The following LACTB variants were observed in gnomAD, a reference collection of about 807,000 sequenced individuals.
LACTB encodes serine beta-lactamase-like protein LACTB, mitochondrial.
Under a neutral mutation model 50.2 loss-of-function variants are expected in LACTB, and 35 were observed. The ratio of observed to expected loss-of-function variants is 0.70; its 90% CI spans 0.53 to 0.92. The LOEUF is 0.92. Among genes scored for constraint, LACTB ranks in the 40% least tolerant of loss-of-function variants. LACTB has a pLI of 0.00. For missense variants in LACTB, 664 were observed against 691.8 expected (o/e 0.96, Z 0.45); for synonymous variants, 252 against 268.2 (o/e 0.94, Z 0.59).
At chr15:63,127,232 C>T (rs1595714736) in intron 3 of LACTB, 121 bp from the exon 4 acceptor site, 3 of 984,248 alleles carry the variant, frequency 3.0e-6, no homozygotes, top group South Asian at 3.5e-5. Flanking sequence ...AGGATTTGTA[C>T]ATGACATTTT....
chr15:63,123,390 G>A (rs1164401113), intron 2 of LACTB, among the ~76,000 whole-genome samples: 1 of 152,126 alleles, frequency 6.6e-6, no homozygotes, highest in Non-Finnish European at 1.5e-5. Flanking sequence ...CCTCTCTTCC[G>A]TAAAAAGCAA....
At position 63,129,414 on chromosome 15, in the gene LACTB, A is replaced by T. The variant is rs1595715499; in HGVS notation, c.953-71A>T. ...TAAAAGTATGCCAATTTTCAGTGGG[A>T]ATATATTTTATATGTTTTTGAATAA... On this transcript the variant is annotated intron_variant, in intron 4 of 5. Transcript: ENST00000261893. 4 of 1,314,246 alleles carry T rather than the reference A, an allele frequency of 3.0e-6. No individual in the cohort carries two copies. The East Asian group carries it at 1.1e-4, about 35-fold the overall frequency. 81.4% of individuals were successfully genotyped at this position (1,314,246 alleles called of 1,614,324 possible).
At chr15:63,125,044 G>C (rs2037031918) in intron 2 of LACTB, among the ~76,000 whole-genome samples, 1 of 152,154 alleles carries the variant, frequency 6.6e-6, no homozygotes, top group Non-Finnish European at 1.5e-5. Context: ...AAATGGGCCA[G>C]TTGAGGTGGC....
In LACTB at chr15:63,141,261, AT is replaced by A; in HGVS notation, c.1119-16del. 1 of 1,566,276 alleles carries A rather than the reference AT, an allele frequency of 6.4e-7. No homozygotes were observed. The highest frequency in any genetic ancestry group is 8.6e-7 in the Non-Finnish European group (1 of 1,157,442). ...AGTGACTATGAAATTTTTCATGATCATTTCTTATTTCCTTTTAGATTTTATG... is the reference window on the plus strand; with the variant it reads ...AGTGACTATGAAATTTTTCATGATCATTCTTATTTCCTTTTAGATTTTATG... On this transcript the variant is annotated intron_variant, in intron 5 of 5. Transcript: ENST00000261893.
intron 5 of LACTB, chr15:63,140,887 G>T (rs1444982952): frequency 2.4e-6 from 1 of 410,734 alleles, no homozygotes; most frequent in Non-Finnish European, 3.3e-6. Context: ...AAATTCATTT[G>T]TGGCACGATG....
chr15:63,139,421 G>A (rs2037207212), intron 5 of LACTB, among the ~76,000 whole-genome samples: 4 of 152,214 alleles, frequency 2.6e-5, no homozygotes, highest in Admixed American at 6.5e-5. Context: ...GAGAGGCCAA[G>A]GTGGGCGGAT....
At chr15:63,136,070 C>A (rs567113900) in intron 5 of LACTB, among the ~76,000 whole-genome samples, 1 of 137,616 alleles carries the variant, frequency 7.3e-6, no homozygotes, top group Non-Finnish European at 1.5e-5. Flanking sequence ...GAGACAAGAT[C>A]TCACTCTGTT....
At position 63,141,498 on chromosome 15, in the gene LACTB, C is replaced by T; in HGVS notation, c.1337C>T (p.Pro446Leu). 1 of 1,614,194 alleles carries T rather than the reference C, an allele frequency of 6.2e-7. No individual in the cohort carries two copies. Among genetic ancestry groups the T allele is most frequent in the Non-Finnish European group, 8.5e-7 (1 of 1,180,008 alleles). The change falls in exon 6 of 6, where the codon CCA becomes CTA. Residue 446 changes from proline to leucine, a missense_variant. Coordinates refer to ENST00000261893, the MANE Select transcript of LACTB (RefSeq NM_032857.5). ...KPETMVMMWT[P>L]VPNTEMSWDK... Reference sequence around the variant, plus strand: ...GAAACAATGGTTATGATGTGGACCCCAGTCCCTAACACAGAGATGTCTTGG... The same window carrying T: ...GAAACAATGGTTATGATGTGGACCCTAGTCCCTAACACAGAGATGTCTTGG...
chr15:63,125,561 A>T (rs987140269), intron 2 of LACTB, among the ~76,000 whole-genome samples: 3 of 152,258 alleles, frequency 2.0e-5, no homozygotes, highest in Non-Finnish European at 4.4e-5. Context: ...GTAATCAAAA[A>T]TTATATAAAT....
intron 5 of LACTB, 116 bp downstream of exon 5, chr15:63,129,766 C>T: frequency 1.1e-5 from 14 of 1,313,042 alleles, no homozygotes; most frequent in Middle Eastern, 2.0e-4. Flanking sequence ...ATTTTGGGAG[C>T]TTTTCTACAT....
intron 3 of LACTB, 143 bp downstream of exon 3, chr15:63,127,192 A>G: frequency 1.1e-6 from 1 of 908,094 alleles, no homozygotes. Context: ...GATGATAATC[A>G]GGTAGGTATT....
chr15:63,134,806 T>TGTGTG (rs1595717370), intron 5 of LACTB, among the ~76,000 whole-genome samples: 1 of 121,068 alleles, frequency 8.3e-6, no homozygotes, highest in East Asian at 2.8e-4. Context: ...GTGTGATGTG[T>TGTGTG]GTGTGATGTG....
chr15:63,137,888 T>C (rs1038661872), intron 5 of LACTB, among the ~76,000 whole-genome samples: 2 of 152,218 alleles, frequency 1.3e-5, no homozygotes, highest in Non-Finnish European at 2.9e-5. Context: ...GACTCTCTAC[T>C]GGTAGTTCAA....
At chr15:63,134,871 T>G (rs1024260261) in intron 5 of LACTB, among the ~76,000 whole-genome samples, 1 of 151,836 alleles carries the variant, frequency 6.6e-6, no homozygotes, top group African/African-American at 2.4e-5. Flanking sequence ...AATATATTCC[T>G]CACTGTGGGT....
intron 5 of LACTB, among the ~76,000 whole-genome samples, chr15:63,138,689 TGAG>T (rs2037197325): frequency 6.6e-6 from 1 of 152,166 alleles, no homozygotes; most frequent in South Asian, 2.1e-4. Context: ...GAGGAATGAC[TGAG>T]GAGTTCTAGT....
intron 5 of LACTB, among the ~76,000 whole-genome samples, chr15:63,140,100 C>G (rs960247646): frequency 9.9e-5 from 15 of 152,146 alleles, no homozygotes; most frequent in Non-Finnish European, 2.2e-4. Context: ...GTGCAAGACT[C>G]TGTCTCAAAA....
intron 5 of LACTB, among the ~76,000 whole-genome samples, chr15:63,140,052 A>G (rs1441554645): frequency 6.6e-6 from 1 of 152,210 alleles, no homozygotes; most frequent in Non-Finnish European, 1.5e-5. Context: ...GGCTACAGTT[A>G]GCCATGATTG....
intron 5 of LACTB, among the ~76,000 whole-genome samples, chr15:63,135,658 G>A (rs1218516250): frequency 3.3e-5 from 5 of 152,180 alleles, no homozygotes; most frequent in South Asian, 4.1e-4. Flanking sequence ...AGTTGATGCC[G>A]CAGTGAGCTG....
At position 63,127,620 on chromosome 15, in the gene LACTB, A is replaced by C; in HGVS notation, c.883A>C (p.Arg295=). The C allele has an allele frequency of 1.9e-6, 3 of 1,610,470 alleles. No individual in the cohort carries two copies. The highest frequency in any genetic ancestry group is 2.5e-6 in the Non-Finnish European group (3 of 1,178,624). ...TTTTGAACAAGGCGAATTATATTTG[A>C]GAGAAAAGTTTGAAAATTCAATTGA... The part of the protein sequence containing the change: ...NDFEQGELYL[R]EKFENSIESL... Residue 295 remains arginine, a synonymous_variant, in exon 4 of 6, where the codon AGA becomes CGA. Coordinates refer to ENST00000261893, the MANE Select transcript of LACTB (RefSeq NM_032857.5).
Sources: allele counts gnomAD v4.1 joint callset (sites outside exome capture counted in the v4.1 genomes callset), GRCh38; gene constraint gnomAD v4.1.1; transcripts MANE v1.5; gene names NCBI Gene and HGNC (gene_info 2026-07-23, HGNC 2026-07-21).